GRK3: variants seen among roughly 807,000 people sequenced by gnomAD.
The protein encoded by GRK3 is G protein-coupled receptor kinase 3, also known as adrenergic, beta, receptor kinase 2.
In GRK3, 54 loss-of-function variants were observed where a neutral mutation model predicts 95.7. The observed-to-expected ratio is 0.56, with a 90% CI of 0.45 to 0.71. The LOEUF is 0.71. GRK3 is among the 30% of genes least tolerant of loss of function. The pLI is 0.00. For missense variants in GRK3, 649 were observed against 851.2 expected (o/e 0.76, Z 2.96); for synonymous variants, 281 against 290.8 (o/e 0.97, Z 0.34).
In GRK3 at chr22:25,722,584, G is replaced by A; in HGVS notation, c.*134G>A. ...TCCCGAGAGGAGTCGGGACCCTTCG[G>A]CTTGGGGTCAGCTCAGCTCCCTGCC... On this transcript the variant is annotated 3_prime_UTR_variant, in exon 21 of 21. Transcript: ENST00000324198. 1 of 846,614 alleles carries A rather than the reference G, an allele frequency of 1.2e-6. No homozygotes were observed. The highest frequency in any genetic ancestry group is 1.9e-5 in the South Asian group (1 of 52,614). 52.4% of individuals were successfully genotyped at this position (846,614 alleles called of 1,614,324 possible).
chr22:25,690,122 T>G, intron 11 of GRK3, 67 bp from the exon 12 acceptor site: 1 of 1,190,526 alleles, frequency 8.4e-7, no homozygotes, highest in Non-Finnish European at 1.2e-6. Context: ...GTGTCTGCAC[T>G]CAAAGTTCTC....
intron 13 of GRK3, among the ~76,000 whole-genome samples, chr22:25,695,517 G>A (rs1482389765): frequency 6.6e-6 from 1 of 152,126 alleles, no homozygotes; most frequent in African/African-American, 2.4e-5. Context: ...GTAGGAATAA[G>A]TATTGTTTTG....
chr22:25,667,884 T>C, intron 6 of GRK3, 84 bp downstream of exon 6: 1 of 780,686 alleles, frequency 1.3e-6, no homozygotes, highest in Non-Finnish European at 2.2e-6. Context: ...GACCTTAAAA[T>C]GTGTGTTAAT....
chr22:25,703,452 GAT>G (rs1340586661), intron 13 of GRK3, 56 bp from the exon 14 acceptor site: 1 of 1,340,052 alleles, frequency 7.5e-7, no homozygotes, highest in African/African-American at 1.4e-5. Context: ...ATTAGTCAGT[GAT>G]ATGTTCTATA....
intron 15 of GRK3, among the ~76,000 whole-genome samples, chr22:25,709,186 C>T (rs546375859): frequency 6.6e-6 from 1 of 151,874 alleles, no homozygotes; most frequent in African/African-American, 2.4e-5. Context: ...TACAGGCGCC[C>T]GTCACCATGC....
In GRK3 at chr22:25,609,638, G is replaced by A. The variant is rs150080325; in HGVS notation, c.190+5185G>A. Among the ~76,000 whole-genome samples, 72 of 151,838 alleles carry A rather than the reference G, an allele frequency of 4.7e-4. No homozygotes were observed. The East Asian group carries it at 0.011, about 24-fold the overall frequency. On this transcript the variant is annotated intron_variant, in intron 2 of 20. Coordinates refer to ENST00000324198, the MANE Select transcript of GRK3 (RefSeq NM_005160.4). The stretch of plus-strand genomic sequence containing the variant: ...AGCCAATGTGCCCAGCCCCCAAATC[G>A]ATACTTAATACATGAAGTATGTAAA...
chr22:25,670,079 CTT>C (rs2084968924), intron 6 of GRK3, among the ~76,000 whole-genome samples: 1 of 151,990 alleles, frequency 6.6e-6, no homozygotes, highest in Admixed American at 6.5e-5. Context: ...GTGAAACACT[CTT>C]TGTGAGTCAT....
At chr22:25,673,169 C>T (rs1198721344) in intron 7 of GRK3, among the ~76,000 whole-genome samples, 2 of 151,154 alleles carry the variant, frequency 1.3e-5, no homozygotes, top group Non-Finnish European at 2.9e-5. Flanking sequence ...TCACACCATT[C>T]TCCTGCCTCA....
intron 2 of GRK3, among the ~76,000 whole-genome samples, chr22:25,608,288 G>T (rs1236487218): frequency 6.6e-6 from 1 of 152,102 alleles, no homozygotes; most frequent in Non-Finnish European, 1.5e-5. Flanking sequence ...CTAAATACAA[G>T]ATTCCTTCTG....
At chr22:25,711,386 ATAT>A (rs1440778306) in intron 17 of GRK3, among the ~76,000 whole-genome samples, 1 of 152,136 alleles carries the variant, frequency 6.6e-6, no homozygotes, top group Non-Finnish European at 1.5e-5. Context: ...ACATGGTAAA[ATAT>A]TATTGATTTG....
chr22:25,565,195 C>G (rs749197630), intron 1 of GRK3, 42 bp downstream of exon 1: 1 of 1,143,102 alleles, frequency 8.7e-7, no homozygotes, highest in Non-Finnish European at 1.2e-6. Flanking sequence ...AGCCGCCGCC[C>G]CCTGCGGCCG....
At chr22:25,593,364 T>TTTTC (rs540510415) in intron 1 of GRK3, among the ~76,000 whole-genome samples, 1 of 152,002 alleles carries the variant, frequency 6.6e-6, no homozygotes, top group South Asian at 2.1e-4. Context: ...TTTTCTTTTC[T>TTTTC]TTTCTTTCTT....
rs771638848 is a variant in GRK3 at position 25,604,470 on chromosome 22, CATTTGGCATACGGTA to C, written c.190+22_190+36del. On this transcript the variant is annotated intron_variant, in intron 2 of 20. Transcript: ENST00000324198. Reference sequence around the variant, plus strand: ...AGAAAATTGGTAAGTCCTGCTTGTTCATTTGGCATACGGTAATTTTAGTGATGAAATTGGGCGATA... The same window carrying C: ...AGAAAATTGGTAAGTCCTGCTTGTTCATTTTAGTGATGAAATTGGGCGATA... 2 of 1,572,760 alleles carry C rather than the reference CATTTGGCATACGGTA, an allele frequency of 1.3e-6. No individual in the cohort carries two copies. The highest frequency in any genetic ancestry group is 1.7e-6 in the Non-Finnish European group (2 of 1,148,400).
chr22:25,714,497 A>T lies in GRK3; in HGVS notation c.1581A>T (p.Glu527Asp). ...AAGAAGTAACGGAAACAGTTTATGAAGCAGTAAATGCAGACACAGATAAAA... is the reference window on the plus strand; with the variant it reads ...AAGAAGTAACGGAAACAGTTTATGATGCAGTAAATGCAGACACAGATAAAA... ...WQQEVTETVYEAVNADTDKIE... is the reference protein window; with the variant it reads ...WQQEVTETVYDAVNADTDKIE... Residue 527 changes from glutamate (E) to aspartate (D), a missense_variant, in exon 18 of 21, where the codon GAA (glutamate) becomes GAT (aspartate). By Grantham distance (45) the Glu-to-Asp change is conservative. Coordinates refer to ENST00000324198, the MANE Select transcript of GRK3 (RefSeq NM_005160.4). 6.2e-7 allele frequency: 1 copy of T among 1,614,024 alleles called. No individual in the cohort carries two copies. Among genetic ancestry groups the T allele is most frequent in the Non-Finnish European group, 8.5e-7 (1 of 1,179,942 alleles).
chr22:25,704,155 T>A lies in GRK3; in HGVS notation c.1274T>A (p.Leu425Ter), dbSNP rs1187189645. 2 of 1,613,812 alleles carry A rather than the reference T, an allele frequency of 1.2e-6. No individual in the cohort carries two copies. The highest frequency in any genetic ancestry group is 3.3e-5 in the Admixed American group (2 of 59,998). The change falls in exon 15 of 21, where the codon TTG (leucine) becomes TAG (stop). Residue 425 changes from leucine (L) to a stop codon, truncating the protein, a stop_gained. Coordinates refer to ENST00000324198, the MANE Select transcript of GRK3 (RefSeq NM_005160.4). LOFTEE classifies it high-confidence loss of function. The part of the protein sequence containing the change: ...DTFSPELKSL[L>*]EGLLQRDVSK... ...TTCTCTCCTGAACTGAAGTCCCTTT[T>A]GGAGGGCTTGCTTCAGCGAGACGTT...
At chr22:25,603,799 T>A (rs1270125835) in intron 1 of GRK3, among the ~76,000 whole-genome samples, 1 of 152,226 alleles carries the variant, frequency 6.6e-6, no homozygotes, top group African/African-American at 2.4e-5. Flanking sequence ...CAATTTGTAA[T>A]TTTTCCCATC....
chr22:25,681,989 T>C (rs1456656518), intron 9 of GRK3, among the ~76,000 whole-genome samples: 1 of 152,174 alleles, frequency 6.6e-6, no homozygotes, highest in Non-Finnish European at 1.5e-5. Context: ...TGAAACCCAT[T>C]ATAGTGTCTG....
intron 2 of GRK3, among the ~76,000 whole-genome samples, chr22:25,607,576 T>A (rs1293878949): frequency 1.3e-5 from 2 of 151,850 alleles, no homozygotes; most frequent in Non-Finnish European, 2.9e-5. Flanking sequence ...TTTAAAAAAT[T>A]TTTATTTATT....
chr22:25,637,693 C>T (rs1162679777), intron 2 of GRK3, among the ~76,000 whole-genome samples: 1 of 152,174 alleles, frequency 6.6e-6, no homozygotes, highest in Non-Finnish European at 1.5e-5. Context: ...TTACCATGCT[C>T]CAAATCTATA....
Sources: allele counts gnomAD v4.1 joint callset (sites outside exome capture counted in the v4.1 genomes callset), GRCh38; gene constraint gnomAD v4.1.1; transcripts MANE v1.5; gene names NCBI Gene and HGNC (gene_info 2026-07-23, HGNC 2026-07-21).